The following SMIM24 variants were observed in gnomAD, a reference collection of about 807,000 sequenced individuals.
SMIM24 encodes the protein MAP17-related dimer.
Under a neutral mutation model 10.8 loss-of-function variants are expected in SMIM24, and 6 were observed. That is an observed-to-expected ratio of 0.55 (90% CI 0.30 to 1.09). SMIM24 has a LOEUF of 1.09. Ranked by LOEUF, SMIM24 falls within the 50% of genes least tolerant of loss-of-function variation. The pLI, the probability that SMIM24 is intolerant of heterozygous loss-of-function variation, is 0.06. For synonymous variants in SMIM24, 71 were observed against 62.4 expected (o/e 1.14, Z -0.65); for missense variants, 151 against 153.4 (o/e 0.98, Z 0.08).
chr19:3,477,617 GA>G (rs2082799182), intron 3 of SMIM24, among the ~76,000 whole-genome samples: 1 of 138,712 alleles, frequency 7.2e-6, no homozygotes, highest in East Asian at 2.2e-4. Context: ...TGAGTGGGTG[GA>G]TAGGTGAGTG....
chr19:3,475,606 G>A (rs1043126581), intron 3 of SMIM24, among the ~76,000 whole-genome samples: 4 of 150,170 alleles, frequency 2.7e-5, no homozygotes, highest in African/African-American at 9.8e-5. Context: ...TGGGTGGATG[G>A]GTGAGTGGAT....
chr19:3,478,500 T>C (rs2082802778), intron 2 of SMIM24, 22 bp from the exon 3 acceptor site: 1 of 1,531,038 alleles, frequency 6.5e-7, no homozygotes, highest in Non-Finnish European at 8.8e-7. Context: ...AAGGGAAAGG[T>C]GGAAGGGGGC....
In SMIM24 at chr19:3,478,824, T is replaced by C. The variant is rs1362332069; in HGVS notation, c.173A>G (p.Lys58Arg). The change falls in exon 2 of 4, where the codon AAG (lysine) becomes AGG (arginine). Residue 58 changes from lysine to arginine, a missense_variant. Coordinates refer to ENST00000215531, the MANE Select transcript of SMIM24 (RefSeq NM_001136503.2). ...VLLANRLWCS[K>R]ARAEDEEETT... ...GGTGGGGGCGGGCACCCACCTGGCC[T>C]TGGAACACCAGAGGCGGTTGGCCAG... is the stretch of plus-strand genomic sequence containing the variant. 6.5e-7 allele frequency: 1 copy of C among 1,548,650 alleles called. No homozygotes were observed.
intron 3 of SMIM24, among the ~76,000 whole-genome samples, chr19:3,475,981 A>G (rs2082790674): frequency 6.6e-6 from 1 of 151,922 alleles, no homozygotes. Flanking sequence ...ATGAATTGGA[A>G]GATAAATGAA....
rs965399190 is a variant in SMIM24 at position 3,478,004 on chromosome 19, C to T, written c.239+415G>A. ...CCATACCTAGGCCTTGTACAGACAC[C>T]TACACAATCCTACACCACAGTCTTC... On this transcript the variant is annotated intron_variant, in intron 3 of 3. Coordinates refer to ENST00000215531, the MANE Select transcript of SMIM24 (RefSeq NM_001136503.2). Among the ~76,000 whole-genome samples the T allele has an allele frequency of 2.6e-5, 4 of 152,030 alleles. No individual in the cohort carries two copies. In the South Asian group the frequency reaches 8.3e-4, roughly 31 times the overall value.
At position 3,477,268 on chromosome 19, in the gene SMIM24, G is replaced by GTGGATGGA. The variant is rs147781591; in HGVS notation, c.239+1143_239+1150dup. Among the ~76,000 whole-genome samples the GTGGATGGA allele has an allele frequency of 8.7e-3, 652 of 74,664 alleles. 7 individuals carry two copies. The highest frequency in any genetic ancestry group is 0.014 in the Middle Eastern group (1 of 72). The allele number at this position is 74,664 out of a possible 152,430, so 49.0% of individuals were successfully genotyped here. A position where few individuals can be genotyped will look rare whatever the true frequency, so the allele number is the denominator to read the frequency against. ...AATGGATGGGTTGGGGGATGGGTGA[G>GTGGATGGA]TGGATGGATGGATGGATGGATGGAT... On this transcript the variant is annotated intron_variant, in intron 3 of 3. Coordinates refer to ENST00000215531, the MANE Select transcript of SMIM24 (RefSeq NM_001136503.2).
At chr19:3,479,591 G>T (rs2082808790) in intron 1 of SMIM24, among the ~76,000 whole-genome samples, 1 of 148,976 alleles carries the variant, frequency 6.7e-6, no homozygotes, top group Admixed American at 6.7e-5. Flanking sequence ...TATAAAGAAG[G>T]AGGAGCTCAG....
intron 1 of SMIM24, 163 bp from the exon 2 acceptor site, chr19:3,479,092 C>T (rs926676750): frequency 6.4e-5 from 12 of 187,522 alleles, no homozygotes; most frequent in Non-Finnish European, 9.3e-5. Flanking sequence ...GTAGGGGGGT[C>T]GGGAGGGTTT....
chr19:3,477,014 T>G, intron 3 of SMIM24, among the ~76,000 whole-genome samples: 2 of 124,774 alleles, frequency 1.6e-5, no homozygotes, highest in South Asian at 2.9e-4. Flanking sequence ...AACAGATGAG[T>G]GGGTGGGTGG....
At chr19:3,478,304 T>C in intron 3 of SMIM24, 115 bp downstream of exon 3, 2 of 997,738 alleles carry the variant, frequency 2.0e-6, no homozygotes, top group South Asian at 3.3e-5. Flanking sequence ...AAGGTGAAGA[T>C]CCCAGGGCAG....
chr19:3,478,772 G>A (rs548458768), intron 2 of SMIM24, 46 bp downstream of exon 2: 6 of 1,427,512 alleles, frequency 4.2e-6, no homozygotes, highest in Non-Finnish European at 4.8e-6. Context: ...GAAGCTGGGG[G>A]TGGGGGCAGG....
intron 1 of SMIM24, 63 bp from the exon 2 acceptor site, chr19:3,478,992 C>A: frequency 7.6e-7 from 1 of 1,319,508 alleles, no homozygotes; most frequent in Non-Finnish European, 1.1e-6. Context: ...CCTTCCCCCA[C>A]CACCCTAGCA....
chr19:3,476,308 A>G (rs1234511573), intron 3 of SMIM24, among the ~76,000 whole-genome samples: 1 of 151,860 alleles, frequency 6.6e-6, no homozygotes, highest in African/African-American at 2.4e-5. Flanking sequence ...GGACAGTTGG[A>G]GAGTGAAGAC....
In SMIM24 at chr19:3,478,829, A is replaced by C; in HGVS notation, c.168T>G (p.Cys56Trp). The change falls in exon 2 of 4, where the codon TGT becomes TGG. Residue 56 changes from cysteine to tryptophan, a missense_variant. Physicochemically the swap from Cys to Trp is radical, Grantham distance 215. Transcript: ENST00000215531. ...YLVLLANRLW[C>W]SKARAEDEEE... is the part of the protein sequence containing the mutation. The stretch of plus-strand genomic sequence containing the variant: ...GGGCGGGCACCCACCTGGCCTTGGA[A>C]CACCAGAGGCGGTTGGCCAGCAAGA... 6.5e-7 allele frequency: 1 copy of C among 1,549,036 alleles called. No individual in the cohort carries two copies.
At position 3,478,917 on chromosome 19, in the gene SMIM24, C is replaced by A. The variant is rs1208127976; in HGVS notation, c.80G>T (p.Arg27Leu). Residue 27 changes from arginine to leucine, a missense_variant, in exon 2 of 4, where the codon CGC becomes CTC. Arg to Leu is a moderately radical substitution (Grantham distance 102). Coordinates refer to ENST00000215531, the MANE Select transcript of SMIM24 (RefSeq NM_001136503.2). The stretch of plus-strand genomic sequence containing the variant: ...CAGGCCCACCAGCCACGGCTTCAGG[C>A]GATGCTCCGTGGCTGCAGGAAGTTG... ...PVEAQQATEH[R>L]LKPWLVGLAA... The A allele has an allele frequency of 1.3e-6, 2 of 1,549,712 alleles. No individual in the cohort carries two copies. Among genetic ancestry groups the A allele is most frequent in the South Asian group, 2.4e-5 (2 of 84,034 alleles).
chr19:3,477,166 TAGG>T (rs2082796007), intron 3 of SMIM24, among the ~76,000 whole-genome samples: 1 of 137,062 alleles, frequency 7.3e-6, no homozygotes, highest in Non-Finnish European at 1.6e-5. Context: ...GGTGGATGGG[TAGG>T]TGATGAATGG....
chr19:3,477,865 G>C (rs2082800689), intron 3 of SMIM24, among the ~76,000 whole-genome samples: 1 of 151,712 alleles, frequency 6.6e-6, no homozygotes, highest in African/African-American at 2.4e-5. Context: ...GTGGGTGGAT[G>C]AGTGGGTGAT....
rs1286497419 is a variant in SMIM24, at chr19:3,478,919, A to G, written c.78T>C (p.His26=). 4 of 1,549,742 alleles carry G rather than the reference A, an allele frequency of 2.6e-6. No homozygotes were observed. Among genetic ancestry groups the G allele is most frequent in the Non-Finnish European group, 3.5e-6 (4 of 1,146,640 alleles). ...GGCCCACCAGCCACGGCTTCAGGCG[A>G]TGCTCCGTGGCTGCAGGAAGTTGGG... ...SPVEAQQATE[H]RLKPWLVGLA... The change falls in exon 2 of 4, where the codon CAT becomes CAC. Residue 26 remains histidine, a synonymous_variant. Coordinates refer to ENST00000215531, the MANE Select transcript of SMIM24 (RefSeq NM_001136503.2).
intron 2 of SMIM24, 80 bp from the exon 3 acceptor site, chr19:3,478,558 C>T: frequency 7.5e-7 from 1 of 1,326,228 alleles, no homozygotes. Flanking sequence ...GTGTGACAGC[C>T]TCAGCCTCTG....
Sources: gnomAD v4.1 joint callset for allele counts (sites outside exome capture counted in the v4.1 genomes callset) on GRCh38, gnomAD v4.1.1 for gene constraint, MANE v1.5 for transcripts, NCBI Gene and HGNC (gene_info 2026-07-23, HGNC 2026-07-21) for gene names.